Variants in BCL11A observed in about 807,000 individuals in gnomAD.
The protein encoded by BCL11A is BCL11 transcription factor A.
Under a neutral mutation model 55.9 loss-of-function variants are expected in BCL11A, and 2 were observed. That is an observed-to-expected ratio of 0.04 (90% CI 0.01 to 0.11). The LOEUF is 0.11. Among genes scored for constraint, BCL11A ranks in the 10% least tolerant of loss-of-function variants. The pLI, the probability that BCL11A is intolerant of heterozygous loss-of-function variation, is 1.00. For missense variants in BCL11A, 817 were observed against 1,137.1 expected (o/e 0.72, Z 4.05); for synonymous variants, 465 against 473.4 (o/e 0.98, Z 0.23).
In BCL11A at chr2:60,553,290, G is replaced by A. The variant is rs758473722; in HGVS notation, c.-20C>T. On this transcript the variant is annotated 5_prime_UTR_variant, in exon 1 of 4. Coordinates refer to ENST00000642384, the MANE Select transcript of BCL11A (RefSeq NM_022893.4). ...AGACATGGTGGGCTGCGGGGCGGGC[G>A]GCGGCGGCGGCGGCGGCGGCGGCGG... 5.3e-6 allele frequency: 8 copies of A among 1,496,180 alleles called. No homozygotes were observed. The highest frequency in any genetic ancestry group is 1.3e-5 in the South Asian group (1 of 77,868). 92.7% of individuals were successfully genotyped at this position (1,496,180 alleles called of 1,614,324 possible). A position where few individuals can be genotyped will look rare whatever the true frequency, so the allele number is the denominator to read the frequency against.
chr2:60,549,290 T>C (rs1302339260), intron 1 of BCL11A, among the ~76,000 whole-genome samples: 1 of 152,084 alleles, frequency 6.6e-6, no homozygotes, highest in African/African-American at 2.4e-5. Flanking sequence ...ATAGGAAATG[T>C]TGGTAAGGAG....
intron 1 of BCL11A, among the ~76,000 whole-genome samples, chr2:60,551,483 G>A (rs1023560329): frequency 2.0e-5 from 3 of 152,208 alleles, no homozygotes; most frequent in Non-Finnish European, 2.9e-5. Flanking sequence ...TGACCAGACC[G>A]GGCGGGGTGG....
intron 1 of BCL11A, among the ~76,000 whole-genome samples, chr2:60,549,045 A>G (rs1230273829): frequency 6.6e-6 from 1 of 152,224 alleles, no homozygotes; most frequent in Non-Finnish European, 1.5e-5. Flanking sequence ...CTCCGGCCTA[A>G]ACTCCGGCTA....
At chr2:60,508,209 C>A (rs987125922) in intron 2 of BCL11A, among the ~76,000 whole-genome samples, 40 of 152,236 alleles carry the variant, frequency 2.6e-4, no homozygotes, top group Middle Eastern at 3.4e-3. Flanking sequence ...ACCCCCACCC[C>A]CAAACAACAA....
At chr2:60,452,540 C>G, downstream of BCL11A, 1 of 1,546,686 alleles carries the variant, frequency 6.5e-7, no homozygotes, top group South Asian at 1.1e-5. Context: ...CTGGGCGGCA[C>G]GCGTCCACCC....
At chr2:60,535,943 T>C (rs1669650463) in intron 2 of BCL11A, 1 of 152,234 alleles carries the variant, frequency 6.6e-6, no homozygotes, top group Non-Finnish European at 1.5e-5. Context: ...GCTTGAATGC[T>C]AACTCACACC....
intron 2 of BCL11A, chr2:60,537,028 T>C (rs900585465): frequency 7.9e-5 from 12 of 152,256 alleles, no homozygotes; most frequent in African/African-American, 2.7e-4. Flanking sequence ...TTTTCTTTCT[T>C]GCTACCAGTC....
intron 2 of BCL11A, among the ~76,000 whole-genome samples, chr2:60,480,131 C>A (rs955936470): frequency 1.3e-5 from 2 of 151,582 alleles, no homozygotes; most frequent in African/African-American, 2.4e-5. Context: ...CCAAGGACAG[C>A]GAGGAGGGGG....
chr2:60,470,267 G>C (rs576632248), intron 2 of BCL11A, among the ~76,000 whole-genome samples: 14 of 152,214 alleles, frequency 9.2e-5, no homozygotes, highest in Admixed American at 7.2e-4. Flanking sequence ...ACACCACAAA[G>C]TGAACCAACA....
intron 2 of BCL11A, among the ~76,000 whole-genome samples, chr2:60,489,148 A>T (rs1678469000): frequency 6.6e-6 from 1 of 152,176 alleles, no homozygotes; most frequent in South Asian, 2.1e-4. Flanking sequence ...GGTACCTTAG[A>T]CCCCAATTAA....
downstream of BCL11A, among the ~76,000 whole-genome samples, chr2:60,454,044 A>AAGAG (rs137895462): frequency 1.1e-4 from 16 of 150,576 alleles, no homozygotes; most frequent in East Asian, 1.4e-3. Context: ...GAGAGAGAGA[A>AAGAG]AGAGAGAGAG....
chr2:60,510,610 G>C (rs897008431), intron 2 of BCL11A, among the ~76,000 whole-genome samples: 3 of 152,330 alleles, frequency 2.0e-5, no homozygotes, highest in African/African-American at 7.2e-5. Context: ...CAGCTAGAAA[G>C]GGGGTGCCAC....
chr2:60,472,625 A>T (rs1388715566), intron 2 of BCL11A, among the ~76,000 whole-genome samples: 4 of 152,184 alleles, frequency 2.6e-5, no homozygotes, highest in Non-Finnish European at 5.9e-5. Flanking sequence ...GTCACTTTAC[A>T]TTTCTACATA....
intron 2 of BCL11A, among the ~76,000 whole-genome samples, chr2:60,507,831 G>A (rs530898924): frequency 1.3e-5 from 2 of 152,264 alleles, no homozygotes; most frequent in African/African-American, 2.4e-5. Context: ...TACAGGACAC[G>A]TCTTCACAGT....
At chr2:60,484,910 A>AT in intron 2 of BCL11A, among the ~76,000 whole-genome samples, 1 of 151,456 alleles carries the variant, frequency 6.6e-6, no homozygotes, top group Non-Finnish European at 1.5e-5. Context: ...TGTGCTCCAA[A>AT]TTTTATCAAG....
downstream of BCL11A, among the ~76,000 whole-genome samples, chr2:60,455,858 T>C (rs946826004): frequency 5.9e-5 from 9 of 152,206 alleles, no homozygotes; most frequent in African/African-American, 1.9e-4. Context: ...ATTATTTCTA[T>C]CTGTCTTGAG....
chr2:60,475,345 TC>T (rs1229322699), intron 2 of BCL11A, among the ~76,000 whole-genome samples: 1 of 152,146 alleles, frequency 6.6e-6, no homozygotes, highest in African/African-American at 2.4e-5. Flanking sequence ...TGTTCTGTTT[TC>T]CCCCCACCTC....
intron 2 of BCL11A, among the ~76,000 whole-genome samples, chr2:60,540,326 A>G (rs976984231): frequency 6.6e-6 from 1 of 152,214 alleles, no homozygotes; most frequent in African/African-American, 2.4e-5. Context: ...TGTATGTAAA[A>G]ACAGACTTGG....
chr2:60,525,296 TG>T (rs1397189445), intron 2 of BCL11A: 8 of 152,222 alleles, frequency 5.3e-5, no homozygotes, highest in Admixed American at 5.2e-4. Flanking sequence ...TTACATTCTT[TG>T]GAGTTTTTCA....
Sources: allele counts gnomAD v4.1 joint callset (sites outside exome capture counted in the v4.1 genomes callset), GRCh38; gene constraint gnomAD v4.1.1; transcripts MANE v1.5; gene names NCBI Gene and HGNC (gene_info 2026-07-23, HGNC 2026-07-21).